RNF220: variants seen among roughly 807,000 people sequenced by gnomAD.
The protein encoded by RNF220 is ring finger protein 220.
A neutral mutation model predicts 67.1 loss-of-function variants in RNF220; 7 were observed. The observed-to-expected ratio is 0.10, with a 90% CI of 0.06 to 0.20. The LOEUF (loss-of-function observed/expected upper bound fraction) is 0.20. Ranked by LOEUF, RNF220 falls within the 10% of genes least tolerant of loss-of-function variation. The pLI, the probability that RNF220 is intolerant of heterozygous loss-of-function variation, is 1.00. For synonymous variants in RNF220, 270 were observed against 283.2 expected, an observed-to-expected ratio of 0.95 and a Z score of 0.47; for missense variants, 565 against 740.3, an observed-to-expected ratio of 0.76 and a Z score of 2.75.
chr1:44,551,885 G>A (rs1434353350), intron 2 of RNF220, among the ~76,000 whole-genome samples: 1 of 152,124 alleles, frequency 6.6e-6, no homozygotes, highest in African/African-American at 2.4e-5. Flanking sequence ...CACAAGCTAT[G>A]CTTTAGATCT....
intron 2 of RNF220, among the ~76,000 whole-genome samples, chr1:44,601,764 G>A (rs879889945): frequency 4.6e-5 from 7 of 152,144 alleles, no homozygotes; most frequent in African/African-American, 9.7e-5. Flanking sequence ...AAGAGGAGAC[G>A]GAGCTGACCA....
chr1:44,407,461 C>G (rs975867830), intron 1 of RNF220, among the ~76,000 whole-genome samples: 1 of 152,094 alleles, frequency 6.6e-6, no homozygotes, highest in Non-Finnish European at 1.5e-5. Context: ...AAGAGCGGTG[C>G]TGGCGTCTTC....
chr1:44,532,315 A>G (rs1660896092), intron 2 of RNF220, among the ~76,000 whole-genome samples: 1 of 152,064 alleles, frequency 6.6e-6, no homozygotes, highest in African/African-American at 2.4e-5. Flanking sequence ...ACCTTGTCTC[A>G]TTGCTGAGTC....
intron 2 of RNF220, among the ~76,000 whole-genome samples, chr1:44,489,174 A>G (rs763489953): frequency 8.5e-5 from 13 of 152,224 alleles, no homozygotes; most frequent in Non-Finnish European, 1.6e-4. Flanking sequence ...GAAAAGGAAC[A>G]CATGAACATG....
chr1:44,415,729 GT>G (rs1298140920), intron 2 of RNF220, among the ~76,000 whole-genome samples: 1 of 152,166 alleles, frequency 6.6e-6, no homozygotes, highest in Non-Finnish European at 1.5e-5. Context: ...GAATGGTGGT[GT>G]GTGTCCTTTA....
chr1:44,632,398 C>CGGCCCCA lies in RNF220; in HGVS notation c.949+19_949+20insAGGCCCC. 1 of 1,609,850 alleles carries CGGCCCCA rather than the reference C, an allele frequency of 6.2e-7. No individual in the cohort carries two copies. Among genetic ancestry groups the CGGCCCCA allele is most frequent in the East Asian group, 2.2e-5 (1 of 44,726 alleles). ...ACCCGACTGAATGGTGAGTCCTGCC[C>CGGCCCCA]GGCCCCTCCCTCCGCCCCACCCCCG... On this transcript the variant is annotated intron_variant, in intron 6 of 14. Coordinates refer to ENST00000361799, the MANE Select transcript of RNF220 (RefSeq NM_018150.4).
intron 2 of RNF220, among the ~76,000 whole-genome samples, chr1:44,520,128 T>TGTGTGTGTGTGA (rs796131470): frequency 0.014 from 1,560 of 113,318 alleles, 20 homozygotes; most frequent in Admixed American, 0.034. Context: ...TGTGTGTGTG[T>TGTGTGTGTGTGA]GAGAGAGAGA....
intron 2 of RNF220, among the ~76,000 whole-genome samples, chr1:44,567,276 A>G (rs1664094971): frequency 6.6e-6 from 1 of 151,912 alleles, no homozygotes; most frequent in African/African-American, 2.4e-5. Context: ...TATTACAGTG[A>G]CCCCATTTCT....
intron 2 of RNF220, among the ~76,000 whole-genome samples, chr1:44,514,812 G>C (rs999326334): frequency 6.6e-6 from 1 of 152,194 alleles, no homozygotes; most frequent in African/African-American, 2.4e-5. Flanking sequence ...TTGGGGAGTG[G>C]CTTTAGAGGT....
At chr1:44,538,231 G>A (rs1661387831) in intron 2 of RNF220, among the ~76,000 whole-genome samples, 1 of 152,152 alleles carries the variant, frequency 6.6e-6, no homozygotes, top group Non-Finnish European at 1.5e-5. Context: ...TTCTTTGGGT[G>A]TGGTTATTCA....
chr1:44,421,187 G>A (rs1176068647), intron 2 of RNF220, among the ~76,000 whole-genome samples: 1 of 152,158 alleles, frequency 6.6e-6, no homozygotes, highest in East Asian at 1.9e-4. Flanking sequence ...AGTCGGGAGA[G>A]GATTTGACTC....
At chr1:44,582,179 G>A (rs955279731) in intron 2 of RNF220, among the ~76,000 whole-genome samples, 6 of 152,138 alleles carry the variant, frequency 3.9e-5, no homozygotes, top group African/African-American at 1.4e-4. Flanking sequence ...AACTAGAGCT[G>A]GAAACCAAGA....
rs367594003 is a variant in RNF220, at chr1:44,628,890, G to A, written c.906+2492G>A. ...CCTTGTGTGTCCTGGTTATTGCCCCGTCACCCTACATTGTGATCACCTGTT... is the reference window on the plus strand; with the variant it reads ...CCTTGTGTGTCCTGGTTATTGCCCCATCACCCTACATTGTGATCACCTGTT... On this transcript the variant is annotated intron_variant, in intron 5 of 14. Transcript: ENST00000361799. 6.6e-5 allele frequency among the ~76,000 whole-genome samples: 10 copies of A among 152,106 alleles called. No individual in the cohort carries two copies. In the East Asian group the frequency reaches 7.7e-4, roughly 12 times the overall value.
At chr1:44,437,394 C>T (rs1651087824) in intron 2 of RNF220, among the ~76,000 whole-genome samples, 1 of 152,182 alleles carries the variant, frequency 6.6e-6, no homozygotes, top group African/African-American at 2.4e-5. Flanking sequence ...CTGTTCCAAC[C>T]AGCAGCTTTT....
chr1:44,633,696 T>C (rs1205483473), intron 6 of RNF220, among the ~76,000 whole-genome samples: 4 of 152,220 alleles, frequency 2.6e-5, no homozygotes, highest in Non-Finnish European at 1.5e-5. Context: ...TTGAACATTG[T>C]GGTATCATCA....
Position 44,584,026 on chromosome 1 carries a change from G to A in RNF220, c.626-30139G>A, listed in dbSNP as rs1347041857. Among the ~76,000 whole-genome samples the A allele has an allele frequency of 5.3e-5, 8 of 152,280 alleles. No individual in the cohort carries two copies. The East Asian group carries it at 1.5e-3, about 29-fold the overall frequency. On this transcript the variant is annotated intron_variant, in intron 2 of 14. Coordinates refer to ENST00000361799, the MANE Select transcript of RNF220 (RefSeq NM_018150.4). ...TGCATTCTCTCACATCATTCTCACA[G>A]CTACAACATGAGGTACATAGCATCG... is the stretch of plus-strand genomic sequence containing the variant.
chr1:44,462,610 A>G (rs1049916116), intron 2 of RNF220, among the ~76,000 whole-genome samples: 2 of 152,232 alleles, frequency 1.3e-5, no homozygotes, highest in Non-Finnish European at 2.9e-5. Context: ...CTAAGCTATC[A>G]GTTATAAACA....
At chr1:44,499,645 A>G (rs901468308) in intron 2 of RNF220, among the ~76,000 whole-genome samples, 2 of 151,884 alleles carry the variant, frequency 1.3e-5, no homozygotes, top group Non-Finnish European at 2.9e-5. Context: ...CTACCTTCCC[A>G]GGTGATCCCT....
intron 2 of RNF220, among the ~76,000 whole-genome samples, chr1:44,588,299 T>C (rs1169231824): frequency 6.6e-6 from 1 of 152,190 alleles, no homozygotes; most frequent in East Asian, 1.9e-4. Flanking sequence ...TCTCTCCTGC[T>C]GGGGCTGCCA....
Sources: allele counts gnomAD v4.1 joint callset (sites outside exome capture counted in the v4.1 genomes callset), GRCh38; gene constraint gnomAD v4.1.1; transcripts MANE v1.5; gene names NCBI Gene and HGNC (gene_info 2026-07-23, HGNC 2026-07-21).